Variants in TTLL3 observed in about 807,000 individuals in gnomAD.
TTLL3 encodes the protein tubulin tyrosine ligase like 3, also known as tubulin monoglycylase TTLL3.
In TTLL3, 63 loss-of-function variants were observed where a neutral mutation model predicts 75.2. That is an observed-to-expected ratio of 0.84 (90% CI 0.68 to 1.03). The LOEUF is 1.03. TTLL3 is among the 50% of genes least tolerant of loss of function. The pLI, the probability that TTLL3 is intolerant of heterozygous loss-of-function variation, is 0.00. For synonymous variants in TTLL3, 393 were observed against 418.5 expected, an observed-to-expected ratio of 0.94 and a Z score of 0.74; for missense variants, 997 against 1,069.9, an observed-to-expected ratio of 0.93 and a Z score of 0.95.
chr3:9,824,451 C>G (rs1420719318), intron 8 of TTLL3, among the ~76,000 whole-genome samples: 1 of 152,234 alleles, frequency 6.6e-6, no homozygotes, highest in African/African-American at 2.4e-5. Flanking sequence ...CGCTCCGTTG[C>G]CCACACTGGA....
chr3:9,817,240 C>T (rs757984540), intron 5 of TTLL3, among the ~76,000 whole-genome samples: 4 of 152,044 alleles, frequency 2.6e-5, no homozygotes, highest in African/African-American at 4.8e-5. Flanking sequence ...CTGGCTAACA[C>T]GGTGAAATGC....
At chr3:9,833,435 C>T (rs1181577814) in intron 12 of TTLL3, among the ~76,000 whole-genome samples, 190 bp downstream of exon 12, 2 of 152,228 alleles carry the variant, frequency 1.3e-5, no homozygotes, top group African/African-American at 4.8e-5. Flanking sequence ...GCCCCCAGCA[C>T]CAGGATGGGC....
chr3:9,810,102 G>T, upstream of TTLL3: 1 of 1,444,846 alleles, frequency 6.9e-7, no homozygotes, highest in Non-Finnish European at 9.1e-7. The surrounding 1 kb of genome is among the most constrained non-coding windows in gnomAD (Gnocchi z 4.4). Flanking sequence ...AGGGCGGCGC[G>T]GTGTGCAACT....
At position 9,831,877 on chromosome 3, in the gene TTLL3, C is replaced by A. The variant is rs1055635714; in HGVS notation, c.1684-1227C>A. 6.0e-4 allele frequency among the ~76,000 whole-genome samples: 90 copies of A among 149,206 alleles called. 1 individual carries two copies. The highest frequency in any genetic ancestry group is 3.5e-3 in the Admixed American group (52 of 14,890). ...GCAGTGGTGCTAGCTCGGCTCACTG[C>A]AACCTCCGCCTCCCGGATTCAAGTG... On this transcript the variant is annotated intron_variant, in intron 11 of 13. Coordinates refer to ENST00000685419, the MANE Select transcript of TTLL3 (RefSeq NM_001387446.1).
At chr3:9,824,019 T>C (rs565823554) in intron 8 of TTLL3, among the ~76,000 whole-genome samples, 3 of 152,350 alleles carry the variant, frequency 2.0e-5, no homozygotes, top group South Asian at 2.1e-4. Context: ...CGTTCATTCA[T>C]TGAGCAAACT....
intron 5 of TTLL3, among the ~76,000 whole-genome samples, chr3:9,816,523 C>CTTTTTTTTTTTTTTTTTTTTTTT (rs71052206): frequency 1.1e-4 from 11 of 104,038 alleles, no homozygotes; most frequent in South Asian, 3.4e-4. Context: ...ACCTGGGTTT[C>CTTTTTTTTTTTTTTTTTTTTTTT]TTTTTTTTTT....
In TTLL3 at chr3:9,813,365, A is replaced by C. The variant is rs776393724; in HGVS notation, c.315+20A>C. The stretch of plus-strand genomic sequence containing the variant: ...CTGATGGTGAGGGCCCTGGGGGCCA[A>C]GATGATACAGGGACTGCCTGCTTAG... On this transcript the variant is annotated intron_variant, in intron 4 of 13. Coordinates refer to ENST00000685419, the MANE Select transcript of TTLL3 (RefSeq NM_001387446.1). 5 of 1,613,388 alleles carry C rather than the reference A, an allele frequency of 3.1e-6. No homozygotes were observed. Among genetic ancestry groups the C allele is most frequent in the Non-Finnish European group, 4.2e-6 (5 of 1,179,870 alleles).
At chr3:9,824,737 C>CTTTTTTTTTTTTTTTTT (rs71052207) in intron 8 of TTLL3, among the ~76,000 whole-genome samples, 2 of 80,674 alleles carry the variant, frequency 2.5e-5, no homozygotes, top group African/African-American at 4.3e-5. Context: ...CTTTTCTTTT[C>CTTTTTTTTTTTTTTTTT]TTTTTTTTTT....
At position 9,812,971 on chromosome 3, in the gene TTLL3, G is replaced by A; in HGVS notation, c.77G>A (p.Cys26Tyr). The change falls in exon 3 of 14, where the codon TGC becomes TAC. Residue 26 changes from cysteine to tyrosine, a missense_variant. Coordinates refer to ENST00000685419, the MANE Select transcript of TTLL3 (RefSeq NM_001387446.1). The stretch of plus-strand genomic sequence containing the variant: ...AAGAAGATCTTTACAATCCAAGGCT[G>A]CTACCCGGTGATCCGGTGTCTCTTG... Reference protein sequence around the residue: ...KQKKIFTIQGCYPVIRCLLRR... With the variant: ...KQKKIFTIQGYYPVIRCLLRR... 1 of 1,525,002 alleles carries A rather than the reference G, an allele frequency of 6.6e-7. No individual in the cohort carries two copies. Among genetic ancestry groups the A allele is most frequent in the Non-Finnish European group, 8.8e-7 (1 of 1,135,472 alleles). 94.5% of individuals were successfully genotyped at this position (1,525,002 alleles called of 1,614,324 possible).
intron 10 of TTLL3, 160 bp downstream of exon 10, chr3:9,827,400 A>T: frequency 7.3e-7 from 1 of 1,361,880 alleles, no homozygotes; most frequent in Non-Finnish European, 9.7e-7. Flanking sequence ...CTTGCATCCA[A>T]CAGATTTTTT....
chr3:9,833,704 G>A (rs2125000487), intron 12 of TTLL3, among the ~76,000 whole-genome samples: 1 of 152,226 alleles, frequency 6.6e-6, no homozygotes, highest in Non-Finnish European at 1.5e-5. Context: ...AATTAGCTGG[G>A]CACGGTGGTG....
In TTLL3 at chr3:9,835,347, G is replaced by C. The variant is rs377604036; in HGVS notation, c.2306G>C (p.Arg769Pro). ...GDMKLGKPLL[R>P]FPTALVLDPT... is the part of the protein sequence containing the mutation. ...ATGAAGCTAGGGAAGCCCCTGCTTC[G>C]ATTCCCCACTGCCCTTGTCCTGGAT... The change falls in exon 14 of 14, where the codon CGA (arginine) becomes CCA (proline). Residue 769 changes from arginine to proline, a missense_variant. By Grantham distance (103) the Arg-to-Pro change is moderately radical. Coordinates refer to ENST00000685419, the MANE Select transcript of TTLL3 (RefSeq NM_001387446.1). The C allele has an allele frequency of 5.0e-5, 81 of 1,614,010 alleles. No homozygotes were observed. The highest frequency in any genetic ancestry group is 6.7e-5 in the Non-Finnish European group (79 of 1,180,038).
chr3:9,818,558 C>T (rs754536230), intron 6 of TTLL3: 34 of 839,138 alleles, frequency 4.1e-5, no homozygotes, highest in East Asian at 1.7e-4. Flanking sequence ...TTAGTAGAGA[C>T]GGGGTTTCAC....
intron 12 of TTLL3, among the ~76,000 whole-genome samples, chr3:9,833,875 C>A (rs564196993): frequency 6.6e-6 from 1 of 151,982 alleles, no homozygotes; most frequent in East Asian, 1.9e-4. Flanking sequence ...CTTTGGGAGG[C>A]CGAGGCGGGC....
In TTLL3 at chr3:9,836,132, A is replaced by C. The variant is rs1349636022; in HGVS notation, c.*643A>C. 3 of 152,238 alleles carry C rather than the reference A, an allele frequency of 2.0e-5. No homozygotes were observed. In the East Asian group the frequency reaches 5.8e-4, roughly 29 times the overall value. 9.4% of individuals were successfully genotyped at this position (152,238 alleles called of 1,614,324 possible). A position where few individuals can be genotyped will look rare whatever the true frequency, so the allele number is the denominator to read the frequency against. On this transcript the variant is annotated 3_prime_UTR_variant, in exon 14 of 14. Transcript: ENST00000685419. ...AAGACCAGTCTGGGCAACATGGTGA[A>C]ACCGTTTCTACAGAAAATTAGCTGG...
chr3:9,822,550 G>T (rs896488672), intron 8 of TTLL3, among the ~76,000 whole-genome samples: 8 of 150,860 alleles, frequency 5.3e-5, no homozygotes, highest in South Asian at 2.1e-4. Flanking sequence ...TTGAGACAGG[G>T]TCTCACTTTG....
At chr3:9,814,866 T>C (rs1221911856) in intron 4 of TTLL3, among the ~76,000 whole-genome samples, 1 of 151,850 alleles carries the variant, frequency 6.6e-6, no homozygotes, top group Non-Finnish European at 1.5e-5. Context: ...TGTGATGATG[T>C]GGAGGACATG....
Position 9,824,586 on chromosome 3 carries a change from T to G in TTLL3, c.855-1214T>G, listed in dbSNP as rs529289037. ...CCACCACACCCGGCTAATTTTTGTA[T>G]TTTTAGGAGAGATGGGGTTTCACCA... On this transcript the variant is annotated intron_variant, in intron 8 of 13. Transcript: ENST00000685419. 2.5e-4 allele frequency among the ~76,000 whole-genome samples: 38 copies of G among 152,104 alleles called. No homozygotes were observed. In the South Asian group the frequency reaches 7.7e-3, roughly 31 times the overall value.
chr3:9,818,962 T>C, intron 7 of TTLL3, 42 bp downstream of exon 7: 1 of 1,613,112 alleles, frequency 6.2e-7, no homozygotes, highest in Non-Finnish European at 8.5e-7. Flanking sequence ...CCATTTATCC[T>C]CCACCCATCC....
Sources: gnomAD v4.1 joint callset for allele counts (sites outside exome capture counted in the v4.1 genomes callset) on GRCh38, gnomAD v4.1.1 for gene constraint, Gnocchi (gnomAD v3.1) non-coding constraint, MANE v1.5 for transcripts, NCBI Gene and HGNC (gene_info 2026-07-23, HGNC 2026-07-21) for gene names.